Variants in MTMR7 observed in about 807,000 individuals in gnomAD.
MTMR7 encodes the protein phosphatidylinositol-3-phosphate phosphatase MTMR7.
A neutral mutation model predicts 81.2 loss-of-function variants in MTMR7; 76 were observed. That is an observed-to-expected ratio of 0.94 (90% CI 0.78 to 1.13). MTMR7 has a LOEUF of 1.13. Ranked by LOEUF, MTMR7 falls within the 50% of genes most tolerant of loss-of-function variation. The pLI is 0.00. For synonymous variants in MTMR7, 372 were observed against 289.8 expected (o/e 1.28, Z -2.88); for missense variants, 1,044 against 820.0 (o/e 1.27, Z -3.34).
chr8:17,351,110 T>C (rs1819716274), intron 4 of MTMR7, among the ~76,000 whole-genome samples: 1 of 152,170 alleles, frequency 6.6e-6, no homozygotes. Flanking sequence ...CATGTAGTCA[T>C]TGCACCAGAC....
At chr8:17,336,865 T>G (rs988951929) in intron 6 of MTMR7, among the ~76,000 whole-genome samples, 4 of 152,182 alleles carry the variant, frequency 2.6e-5, no homozygotes, top group Non-Finnish European at 2.9e-5. Flanking sequence ...GAGGCTCTGC[T>G]GGAGAATTTT....
At position 17,371,084 on chromosome 8, in the gene MTMR7, C is replaced by G. The variant is rs148455057; in HGVS notation, c.263G>C (p.Arg88Thr). The change falls in exon 3 of 14, where the codon AGA becomes ACA. Residue 88 changes from arginine to threonine, a missense_variant. Physicochemically the swap from Arg to Thr is moderately conservative, Grantham distance 71. Transcript: ENST00000180173. ...GGAGATGTACACGTCGTGGCAATCT[C>G]TTTCCTGAGGTATGATGAGCTGTAT... ...QIIQLIIPQE[R>T]DCHDVYISLI... 8 of 1,614,068 alleles carry G rather than the reference C, an allele frequency of 5.0e-6. No homozygotes were observed. Among genetic ancestry groups the G allele is most frequent in the African/African-American group, 1.3e-5 (1 of 74,944 alleles).
intron 7 of MTMR7, among the ~76,000 whole-genome samples, chr8:17,318,062 C>T (rs894345973): frequency 1.3e-5 from 2 of 151,962 alleles, no homozygotes; most frequent in Non-Finnish European, 2.9e-5. Context: ...TCAAACTGAG[C>T]TGTTAAAAAA....
chr8:17,314,602 A>G (rs1291778097), intron 7 of MTMR7, among the ~76,000 whole-genome samples: 2 of 152,234 alleles, frequency 1.3e-5, no homozygotes, highest in Admixed American at 1.3e-4. Context: ...GATTTCCTGC[A>G]GCATAAAAGC....
At chr8:17,410,420 T>G (rs1303885819) in intron 1 of MTMR7, among the ~76,000 whole-genome samples, 1 of 122,100 alleles carries the variant, frequency 8.2e-6, no homozygotes, top group East Asian at 2.3e-4. Context: ...TTTCATTTAA[T>G]TAAGCAGCAC....
intron 4 of MTMR7, among the ~76,000 whole-genome samples, chr8:17,355,661 A>C (rs1235999330): frequency 6.6e-6 from 1 of 152,214 alleles, no homozygotes; most frequent in Non-Finnish European, 1.5e-5. Flanking sequence ...ACAGTGTATC[A>C]GAATCTCCTG....
intron 6 of MTMR7, among the ~76,000 whole-genome samples, chr8:17,334,489 T>A (rs1819161036): frequency 6.6e-6 from 1 of 152,246 alleles, no homozygotes; most frequent in African/African-American, 2.4e-5. Context: ...TTCCAATTCA[T>A]GTTTAAGAAA....
chr8:17,353,603 T>C (rs1352778446), intron 4 of MTMR7, among the ~76,000 whole-genome samples: 1 of 152,166 alleles, frequency 6.6e-6, no homozygotes, highest in Non-Finnish European at 1.5e-5. Flanking sequence ...AGTATGCCTC[T>C]CAGGATTTTG....
At chr8:17,318,328 G>C (rs1448522132) in intron 7 of MTMR7, among the ~76,000 whole-genome samples, 1 of 152,104 alleles carries the variant, frequency 6.6e-6, no homozygotes, top group Middle Eastern at 3.2e-3. Flanking sequence ...GTTCTGTGGA[G>C]TCCACAGAAA....
At chr8:17,377,028 C>T (rs1002948649) in intron 1 of MTMR7, among the ~76,000 whole-genome samples, 59 of 151,736 alleles carry the variant, frequency 3.9e-4, no homozygotes, top group African/African-American at 1.4e-3. Context: ...GTATTTTTCC[C>T]GCCATAATTG....
intron 1 of MTMR7, among the ~76,000 whole-genome samples, chr8:17,382,184 G>A (rs914243976): frequency 1.3e-5 from 2 of 152,228 alleles, no homozygotes. Context: ...CAGCAGCAAT[G>A]ATGCTCTAAC....
At chr8:17,336,981 T>C (rs541060189) in intron 6 of MTMR7, among the ~76,000 whole-genome samples, 1 of 152,276 alleles carries the variant, frequency 6.6e-6, no homozygotes, top group African/African-American at 2.4e-5. Flanking sequence ...CCTGGGCAAA[T>C]TACTTAACCT....
chr8:17,412,203 A>G (rs1324780415), intron 1 of MTMR7, among the ~76,000 whole-genome samples: 1 of 152,222 alleles, frequency 6.6e-6, no homozygotes, highest in East Asian at 1.9e-4. Context: ...CTGCTTTTAC[A>G]AAAAGGTACT....
chr8:17,389,009 A>G (rs1271328424), intron 1 of MTMR7, among the ~76,000 whole-genome samples: 8 of 152,188 alleles, frequency 5.3e-5, no homozygotes, highest in East Asian at 1.9e-4. Context: ...TGCAGACCCA[A>G]TGATGTGGAG....
intron 1 of MTMR7, among the ~76,000 whole-genome samples, chr8:17,396,401 T>C (rs1821250907): frequency 6.6e-6 from 1 of 152,216 alleles, no homozygotes; most frequent in African/African-American, 2.4e-5. Context: ...TCACAGATTC[T>C]TTCTCCTACG....
chr8:17,384,517 T>C (rs923430718), intron 1 of MTMR7, among the ~76,000 whole-genome samples: 6 of 152,182 alleles, frequency 3.9e-5, no homozygotes, highest in Admixed American at 6.5e-5. Flanking sequence ...TTCTCCTGTG[T>C]GAAACTCACA....
intron 4 of MTMR7, among the ~76,000 whole-genome samples, 165 bp downstream of exon 4, chr8:17,360,952 T>A (rs1456538124): frequency 1.3e-5 from 2 of 152,056 alleles, no homozygotes; most frequent in African/African-American, 4.8e-5. Flanking sequence ...TGATTCTAGG[T>A]CCAGGTTGTA....
At chr8:17,358,829 TATACAC>T (rs1819974910) in intron 4 of MTMR7, among the ~76,000 whole-genome samples, 2 of 152,166 alleles carry the variant, frequency 1.3e-5, no homozygotes, top group Admixed American at 1.3e-4. Context: ...TGGGGGAAAT[TATACAC>T]ATAAGGATAC....
chr8:17,384,636 G>A (rs1385073699), intron 1 of MTMR7, among the ~76,000 whole-genome samples: 1 of 152,136 alleles, frequency 6.6e-6, no homozygotes, highest in Non-Finnish European at 1.5e-5. Context: ...AAACAATGTA[G>A]AATTGCCATG....
Sources: allele counts gnomAD v4.1 joint callset (sites outside exome capture counted in the v4.1 genomes callset), GRCh38; gene constraint gnomAD v4.1.1; transcripts MANE v1.5; gene names NCBI Gene and HGNC (gene_info 2026-07-23, HGNC 2026-07-21).